The following MTHFD1L variants were observed in gnomAD, a reference collection of about 807,000 sequenced individuals.
The protein encoded by MTHFD1L is methylenetetrahydrofolate dehydrogenase (NADP+ dependent) 1 like.
In MTHFD1L, 81 loss-of-function variants were observed where a neutral mutation model predicts 119.5. The observed-to-expected ratio is 0.68, with a 90% CI of 0.57 to 0.82. The LOEUF is 0.82. Among genes scored for constraint, MTHFD1L ranks in the 40% least tolerant of loss-of-function variants. MTHFD1L has a pLI of 0.00. For synonymous variants in MTHFD1L, 430 were observed against 475.2 expected, an observed-to-expected ratio of 0.90 and a Z score of 1.24; for missense variants, 1,125 against 1,253.4, an observed-to-expected ratio of 0.90 and a Z score of 1.55.
At chr6:150,912,226 T>C (rs1787024988) in intron 8 of MTHFD1L, among the ~76,000 whole-genome samples, 1 of 152,142 alleles carries the variant, frequency 6.6e-6, no homozygotes, top group Non-Finnish European at 1.5e-5. Context: ...ATGATACTCA[T>C]TTTATTTATT....
intron 1 of MTHFD1L, chr6:150,866,274 C>A: frequency 1.4e-6 from 2 of 1,457,940 alleles, no homozygotes; most frequent in Admixed American, 2.5e-5. Flanking sequence ...GCCCGCAGCG[C>A]AGGTGGGCGT....
chr6:151,044,325 A>G (rs909495341), intron 26 of MTHFD1L, among the ~76,000 whole-genome samples: 2 of 148,158 alleles, frequency 1.3e-5, no homozygotes, highest in Non-Finnish European at 3.0e-5. Context: ...TTTTTGAGAC[A>G]GAGTCTCACT....
intron 20 of MTHFD1L, among the ~76,000 whole-genome samples, chr6:151,005,931 A>G (rs555931025): frequency 5.3e-5 from 8 of 152,098 alleles, no homozygotes; most frequent in Non-Finnish European, 7.3e-5. Flanking sequence ...GATAGGGAGG[A>G]CTAAGAACAT....
At chr6:151,036,137 A>C (rs4869970) in intron 25 of MTHFD1L, among the ~76,000 whole-genome samples, 4 of 152,108 alleles carry the variant, frequency 2.6e-5, no homozygotes, top group African/African-American at 9.7e-5. Flanking sequence ...AGTGATGTCA[A>C]CCGGGCACGG....
chr6:150,914,624 C>T (rs1445237207), intron 8 of MTHFD1L, among the ~76,000 whole-genome samples: 3 of 152,208 alleles, frequency 2.0e-5, no homozygotes, highest in Non-Finnish European at 4.4e-5. Context: ...CATCACTGCA[C>T]TCCAGCCTGG....
chr6:150,904,376 C>T (rs139800339), intron 7 of MTHFD1L, among the ~76,000 whole-genome samples: 1,548 of 152,174 alleles, frequency 0.01, 17 homozygotes, highest in East Asian at 0.024. Flanking sequence ...GACCATCAGT[C>T]GCCCTCTTGC....
At chr6:150,953,423 G>T (rs767576909) in intron 16 of MTHFD1L, among the ~76,000 whole-genome samples, 1 of 152,168 alleles carries the variant, frequency 6.6e-6, no homozygotes, top group East Asian at 1.9e-4. Flanking sequence ...TACATAAGAG[G>T]CTGGCACTGT....
chr6:150,902,701 G>A (rs1785254040), intron 7 of MTHFD1L, among the ~76,000 whole-genome samples: 1 of 152,168 alleles, frequency 6.6e-6, no homozygotes, highest in South Asian at 2.1e-4. Flanking sequence ...CTTTAGAGTT[G>A]TGTGTAGGTA....
chr6:151,098,135 C>A (rs1468181999), intron 27 of MTHFD1L, among the ~76,000 whole-genome samples: 1 of 152,138 alleles, frequency 6.6e-6, no homozygotes, highest in Admixed American at 6.5e-5. Flanking sequence ...GATCATGCCA[C>A]TGCACTCTAG....
At chr6:150,956,741 TTTATG>T (rs1795702335) in intron 17 of MTHFD1L, among the ~76,000 whole-genome samples, 1 of 152,206 alleles carries the variant, frequency 6.6e-6, no homozygotes, top group African/African-American at 2.4e-5. Flanking sequence ...ATTTCTGTCC[TTTATG>T]TTAAGTTTTT....
intron 7 of MTHFD1L, among the ~76,000 whole-genome samples, chr6:150,892,450 A>G (rs1218723584): frequency 6.6e-6 from 1 of 152,108 alleles, no homozygotes; most frequent in Non-Finnish European, 1.5e-5. Flanking sequence ...TTTCATATGG[A>G]CCAGAAGGTT....
chr6:150,968,532 C>T lies in MTHFD1L; in HGVS notation c.2014-3415C>T, dbSNP rs186690990. Among the ~76,000 whole-genome samples, 127 of 152,066 alleles carry T rather than the reference C, an allele frequency of 8.4e-4. 1 individual carries two copies. Among genetic ancestry groups the T allele is most frequent in the African/African-American group, 2.8e-3 (114 of 41,444 alleles). On this transcript the variant is annotated intron_variant, in intron 19 of 27. Transcript: ENST00000367321. The stretch of plus-strand genomic sequence containing the variant: ...TTTGTTTTGTTTTGTTTTTTTGAGA[C>T]GGAGTCTCTCCCTGTCGCCCAGCCT...
intron 7 of MTHFD1L, among the ~76,000 whole-genome samples, chr6:150,896,775 TTG>T (rs923886954): frequency 6.6e-6 from 1 of 152,044 alleles, no homozygotes; most frequent in African/African-American, 2.4e-5. Flanking sequence ...AGGGAAGGAT[TTG>T]TGAGACGATA....
At chr6:150,975,029 C>T (rs6927508) in intron 20 of MTHFD1L, among the ~76,000 whole-genome samples, 64,604 of 151,710 alleles carry the variant, frequency 0.43, 15,749 homozygotes, top group African/African-American at 0.63. Context: ...TGAGCCACCA[C>T]ACCCGGCTAG....
Position 150,885,643 on chromosome 6 carries a change from CAT to C in MTHFD1L, c.554_555del (p.Ile185LysfsTer12). On this transcript the variant is annotated frameshift_variant, in exon 6 of 28. Coordinates refer to ENST00000367321, the MANE Select transcript of MTHFD1L (RefSeq NM_015440.5). LOFTEE classifies it high-confidence loss of function. ...PEKDVDGVTD[I>X]NLGKLVRGDA... ...TTATTTTCTGATTCAGAGTAACAGA[CAT>C]AAACCTGGGGAAGCTGGTGCGAGGG... 1 of 1,613,658 alleles carries C rather than the reference CAT, an allele frequency of 6.2e-7. No individual in the cohort carries two copies. The highest frequency in any genetic ancestry group is 1.7e-5 in the Admixed American group (1 of 59,992).
rs961151279 is a variant in MTHFD1L at position 150,877,625 on chromosome 6, C to T, written c.313-9C>T. ...TTTTATGTTGTTATGTTGTTTTTACCTTCCTAAGGCAGGTGACGACAACTT... is the reference window on the plus strand; with the variant it reads ...TTTTATGTTGTTATGTTGTTTTTACTTTCCTAAGGCAGGTGACGACAACTT... On this transcript the variant is annotated splice_polypyrimidine_tract_variant and intron_variant, in intron 2 of 27. Transcript: ENST00000367321. 2 of 1,613,720 alleles carry T rather than the reference C, an allele frequency of 1.2e-6. No individual in the cohort carries two copies. The highest frequency in any genetic ancestry group is 2.2e-5 in the East Asian group (1 of 44,868).
chr6:150,865,732 C>A lies in MTHFD1L; in HGVS notation c.-91C>A. ...AGCGCCAGGTCCTTCCCGCCGCCGC[C>A]GCCGCCGCCGCCGCCTGCTCCCCTG... On this transcript the variant is annotated 5_prime_UTR_variant, in exon 1 of 28. Transcript: ENST00000367321. 1 of 1,114,726 alleles carries A rather than the reference C, an allele frequency of 9.0e-7. No homozygotes were observed. Among genetic ancestry groups the A allele is most frequent in the Non-Finnish European group, 1.1e-6 (1 of 905,966 alleles). The allele number at this position is 1,114,726 out of a possible 1,614,324, so 69.1% of individuals were successfully genotyped here.
At chr6:150,933,506 C>T (rs1431250065) in intron 11 of MTHFD1L, among the ~76,000 whole-genome samples, 1 of 152,056 alleles carries the variant, frequency 6.6e-6, no homozygotes, top group Non-Finnish European at 1.5e-5. Context: ...CACTGCAGAT[C>T]TGCTGTTTAG....
chr6:151,086,964 C>T (rs181900850), intron 26 of MTHFD1L, among the ~76,000 whole-genome samples: 16 of 152,212 alleles, frequency 1.1e-4, no homozygotes, highest in Admixed American at 5.2e-4. Context: ...TAAATTGTAT[C>T]GTCAGCCAGG....
Sources: allele counts gnomAD v4.1 joint callset (sites outside exome capture counted in the v4.1 genomes callset), GRCh38; gene constraint gnomAD v4.1.1; transcripts MANE v1.5; gene names NCBI Gene and HGNC (gene_info 2026-07-23, HGNC 2026-07-21).